The following LUZP2 variants were observed in gnomAD, a reference collection of about 807,000 sequenced individuals.
LUZP2 encodes leucine zipper protein 2.
A neutral mutation model predicts 51.6 loss-of-function variants in LUZP2; 52 were observed. The ratio of observed to expected loss-of-function variants is 1.01; its 90% CI spans 0.81 to 1.27. LUZP2 has a LOEUF of 1.27. Ranked by LOEUF, LUZP2 falls within the 50% of genes most tolerant of loss-of-function variation. The pLI, the probability that LUZP2 is intolerant of heterozygous loss-of-function variation, is 0.00. For missense variants in LUZP2, 436 were observed against 395.4 expected (o/e 1.10, Z -0.87); for synonymous variants, 154 against 137.3 (o/e 1.12, Z -0.85).
chr11:24,557,865 A>T (rs1851916847), intron 1 of LUZP2, among the ~76,000 whole-genome samples: 1 of 152,120 alleles, frequency 6.6e-6, no homozygotes, highest in Admixed American at 6.6e-5. Flanking sequence ...TTGATTCTTC[A>T]GTATGTGCTG....
In LUZP2 at chr11:24,970,829, C is replaced by G. The variant is rs72874373; in HGVS notation, c.523-5762C>G. Among the ~76,000 whole-genome samples the G allele has an allele frequency of 8.9e-3, 1,358 of 152,124 alleles. 11 individuals carry two copies. Among genetic ancestry groups the G allele is most frequent in the Non-Finnish European group, 0.015 (1,019 of 67,994 alleles). ...CTTGGAGCACTACACTTAGAGTGAGCCAGAAACAAAACCAAGCTCCAGCTT... is the reference window on the plus strand; with the variant it reads ...CTTGGAGCACTACACTTAGAGTGAGGCAGAAACAAAACCAAGCTCCAGCTT... On this transcript the variant is annotated intron_variant, in intron 7 of 11. Transcript: ENST00000336930.
chr11:25,035,768 T>C (rs964746780), intron 9 of LUZP2, among the ~76,000 whole-genome samples: 2 of 152,062 alleles, frequency 1.3e-5, no homozygotes, highest in Non-Finnish European at 1.5e-5. Flanking sequence ...GTGAGTCACA[T>C]TTATTGATTT....
chr11:24,681,317 T>C (rs1856731483), intron 1 of LUZP2, among the ~76,000 whole-genome samples: 1 of 152,164 alleles, frequency 6.6e-6, no homozygotes, highest in East Asian at 1.9e-4. Context: ...GTTTCTAACG[T>C]TCTGTGATCT....
intron 5 of LUZP2, among the ~76,000 whole-genome samples, chr11:24,903,123 AT>A (rs1853328766): frequency 6.6e-6 from 1 of 152,134 alleles, no homozygotes; most frequent in Admixed American, 6.5e-5. Flanking sequence ...GAAGAGTTTT[AT>A]TTTGCTACAA....
chr11:24,734,659 T>TA (rs1858858675), intron 3 of LUZP2, among the ~76,000 whole-genome samples: 1 of 151,892 alleles, frequency 6.6e-6, no homozygotes, highest in South Asian at 2.1e-4. Flanking sequence ...GCTGTTTACC[T>TA]AAAAAGAGAA....
chr11:25,050,575 A>C (rs1858476243), intron 10 of LUZP2, among the ~76,000 whole-genome samples: 1 of 152,068 alleles, frequency 6.6e-6, no homozygotes, highest in African/African-American at 2.4e-5. Context: ...AAGGGCTGGG[A>C]TTACAGGCAT....
intron 5 of LUZP2, among the ~76,000 whole-genome samples, chr11:24,774,910 T>C (rs1848872119): frequency 6.7e-6 from 1 of 149,778 alleles, no homozygotes; most frequent in Non-Finnish European, 1.5e-5. Context: ...GAATCGTGAC[T>C]AATACGGCAT....
At chr11:24,677,577 C>T (rs967856079) in intron 1 of LUZP2, among the ~76,000 whole-genome samples, 3 of 152,292 alleles carry the variant, frequency 2.0e-5, no homozygotes, top group East Asian at 3.9e-4. Flanking sequence ...TTTTCTGCAA[C>T]GTCTTTCCTG....
chr11:24,691,593 GAAT>G (rs1857068387), intron 1 of LUZP2, among the ~76,000 whole-genome samples: 1 of 150,706 alleles, frequency 6.6e-6, no homozygotes, highest in Admixed American at 6.6e-5. Context: ...ATAAAACCTA[GAAT>G]TTGGAATATT....
intron 1 of LUZP2, among the ~76,000 whole-genome samples, chr11:24,504,674 A>G (rs761729492): frequency 1.4e-4 from 22 of 152,180 alleles, no homozygotes; most frequent in Non-Finnish European, 2.5e-4. Flanking sequence ...TTTATTTTAT[A>G]TAGAACACCT....
At chr11:24,637,287 T>C (rs1972081) in intron 1 of LUZP2, among the ~76,000 whole-genome samples, 59,993 of 151,446 alleles carry the variant, frequency 0.4, 12,712 homozygotes, top group African/African-American at 0.53. Context: ...ATTTCTTATG[T>C]CTGTCTTTAA....
At chr11:25,054,882 T>C (rs1000229013) in intron 10 of LUZP2, among the ~76,000 whole-genome samples, 1 of 152,050 alleles carries the variant, frequency 6.6e-6, no homozygotes, top group Non-Finnish European at 1.5e-5. Context: ...CAAGATTGTA[T>C]TGGCTATTCT....
intron 7 of LUZP2, among the ~76,000 whole-genome samples, chr11:24,936,582 C>T (rs1854594161): frequency 6.6e-6 from 1 of 151,668 alleles, no homozygotes; most frequent in Non-Finnish European, 1.5e-5. Context: ...TGGAGAAGCC[C>T]CTCTCATTCC....
intron 5 of LUZP2, among the ~76,000 whole-genome samples, chr11:24,833,738 C>A (rs975278030): frequency 2.2e-5 from 3 of 135,172 alleles, no homozygotes; most frequent in African/African-American, 8.7e-5. Flanking sequence ...ACACTTGATT[C>A]CATTGTGCAA....
intron 9 of LUZP2, among the ~76,000 whole-genome samples, chr11:25,040,154 A>G (rs1858002151): frequency 6.6e-6 from 1 of 152,128 alleles, no homozygotes; most frequent in Non-Finnish European, 1.5e-5. Context: ...TTAATTCAAT[A>G]AATGCATATG....
rs1232171713 is a variant in LUZP2 at position 24,641,010 on chromosome 11, GATATAT to G, written c.63-88156_63-88151del. 4.2e-4 allele frequency among the ~76,000 whole-genome samples: 43 copies of G among 101,480 alleles called. 1 individual carries two copies. Among genetic ancestry groups the G allele is most frequent in the Admixed American group, 3.0e-3 (29 of 9,724 alleles). The allele number at this position is 101,480 out of a possible 152,430, so 66.6% of individuals were successfully genotyped here. A position where few individuals can be genotyped will look rare whatever the true frequency, so the allele number is the denominator to read the frequency against. On this transcript the variant is annotated intron_variant, in intron 1 of 11. Coordinates refer to ENST00000336930, the MANE Select transcript of LUZP2 (RefSeq NM_001009909.4). ...AGATATAGATATAGATATAGATATA[GATATAT>G]ATTTCACTTGCCTCAGCCTCCCAAG... is the stretch of plus-strand genomic sequence containing the variant.
chr11:24,715,305 G>C (rs1857998794), intron 1 of LUZP2, among the ~76,000 whole-genome samples: 1 of 67,324 alleles, frequency 1.5e-5, no homozygotes, highest in Admixed American at 1.4e-4. Context: ...GTGTGTGTGT[G>C]TGCATGCGTA....
chr11:25,018,558 G>A (rs1047000416), intron 9 of LUZP2, among the ~76,000 whole-genome samples: 1 of 145,076 alleles, frequency 6.9e-6, no homozygotes, highest in African/African-American at 2.5e-5. Flanking sequence ...GTTACTTTTA[G>A]TCTTTGAGCT....
intron 5 of LUZP2, among the ~76,000 whole-genome samples, chr11:24,798,116 TTTTG>T (rs1345320444): frequency 2.6e-5 from 4 of 152,268 alleles, no homozygotes; most frequent in South Asian, 2.1e-4. Flanking sequence ...AAATACTATG[TTTTG>T]TTTGTTTGCT....
Sources: allele counts gnomAD v4.1 joint callset (sites outside exome capture counted in the v4.1 genomes callset), GRCh38; gene constraint gnomAD v4.1.1; transcripts MANE v1.5; gene names NCBI Gene and HGNC (gene_info 2026-07-23, HGNC 2026-07-21).